MEI1: variants seen among roughly 807,000 people sequenced by gnomAD.
The protein encoded by MEI1 is meiosis inhibitor protein 1.
In MEI1, 103 loss-of-function variants were observed where a neutral mutation model predicts 146.2. The ratio of observed to expected loss-of-function variants is 0.70; its 90% CI spans 0.60 to 0.83. MEI1 has a LOEUF of 0.83. Ranked by LOEUF, MEI1 falls within the 40% of genes least tolerant of loss-of-function variation. The pLI, the probability that MEI1 is intolerant of heterozygous loss-of-function variation, is 0.00. For synonymous variants in MEI1, 652 were observed against 628.2 expected, an observed-to-expected ratio of 1.04 and a Z score of -0.57; for missense variants, 1,529 against 1,533.0, an observed-to-expected ratio of 1.00 and a Z score of 0.04.
chr22:41,703,110 G>A (rs534714935), intron 1 of MEI1, among the ~76,000 whole-genome samples: 2 of 152,296 alleles, frequency 1.3e-5, no homozygotes, highest in South Asian at 2.1e-4. Flanking sequence ...TAAATATAGG[G>A]CATTAGGAAC....
chr22:41,796,762 C>T (rs926330424), intron 30 of MEI1, among the ~76,000 whole-genome samples: 13 of 152,032 alleles, frequency 8.6e-5, no homozygotes, highest in African/African-American at 2.7e-4. Context: ...GTCTGGCCAA[C>T]ATGGTGAAAC....
At chr22:41,767,470 G>A (rs1298050252) in intron 19 of MEI1, 3 of 433,008 alleles carry the variant, frequency 6.9e-6, no homozygotes, top group Non-Finnish European at 1.4e-5. Flanking sequence ...TGTGTGTTAA[G>A]GTATGTGTCT....
intron 3 of MEI1, among the ~76,000 whole-genome samples, chr22:41,711,044 G>T (rs2069510439): frequency 1.3e-5 from 2 of 152,126 alleles, no homozygotes; most frequent in South Asian, 4.1e-4. Flanking sequence ...TGACTACCTG[G>T]TTACTGAGAA....
chr22:41,701,088 C>A (rs1334045783), intron 1 of MEI1, among the ~76,000 whole-genome samples: 1 of 151,856 alleles, frequency 6.6e-6, no homozygotes, highest in African/African-American at 2.4e-5. Context: ...TACATGCATG[C>A]GTCACTACGC....
rs1430171165 is a variant in MEI1 at position 41,718,061 on chromosome 22, T to C, written c.530-10T>C. 1 of 1,589,240 alleles carries C rather than the reference T, an allele frequency of 6.3e-7. No individual in the cohort carries two copies. The highest frequency in any genetic ancestry group is 1.1e-5 in the South Asian group (1 of 88,258). ...AATTTCCCTTGGCTCCTTGGTTGTT[T>C]TCTGGACAGGCAACCTGATGGAGCA... On this transcript the variant is annotated splice_polypyrimidine_tract_variant and intron_variant, in intron 5 of 30. Transcript: ENST00000401548.
intron 21 of MEI1, among the ~76,000 whole-genome samples, chr22:41,777,875 T>C (rs73163324): frequency 0.1 from 15,863 of 151,296 alleles, 1,019 homozygotes; most frequent in South Asian, 0.2. Context: ...CTTCCTTCGT[T>C]CCTTCCTTCC....
At chr22:41,742,946 G>A in intron 11 of MEI1, 134 bp from the exon 12 acceptor site, 1 of 614,656 alleles carries the variant, frequency 1.6e-6, no homozygotes, top group Non-Finnish European at 3.0e-6. Flanking sequence ...TTCCTGGCCT[G>A]GAGTAAGGAT....
chr22:41,756,440 T>C (rs2074098117), intron 17 of MEI1, among the ~76,000 whole-genome samples: 1 of 151,974 alleles, frequency 6.6e-6, no homozygotes, highest in Non-Finnish European at 1.5e-5. Context: ...CTGGCCTTTA[T>C]TCAAATTTTA....
chr22:41,703,314 T>G lies in MEI1; in HGVS notation c.175-17T>G. The G allele has an allele frequency of 6.2e-7, 1 of 1,610,144 alleles. No homozygotes were observed. The highest frequency in any genetic ancestry group is 8.5e-7 in the Non-Finnish European group (1 of 1,178,228). On this transcript the variant is annotated splice_polypyrimidine_tract_variant and intron_variant, in intron 1 of 30. Coordinates refer to ENST00000401548, the MANE Select transcript of MEI1 (RefSeq NM_152513.4). ...AAATTTGGTTGCTATTGAATGTTTT[T>G]CTTCATTTGCTTCAAGTTAGTGCGC...
At chr22:41,781,884 G>A in intron 24 of MEI1, 39 bp downstream of exon 24, 1 of 1,606,830 alleles carries the variant, frequency 6.2e-7, no homozygotes, top group Non-Finnish European at 8.5e-7. Context: ...GCATGGGGTG[G>A]CACTCAAAGG....
intron 17 of MEI1, among the ~76,000 whole-genome samples, chr22:41,756,597 C>A (rs1005460487): frequency 2.0e-5 from 3 of 151,968 alleles, no homozygotes; most frequent in Admixed American, 2.0e-4. Context: ...CGTCAGCTTC[C>A]TGAGTAGCTA....
chr22:41,719,173 G>A (rs182239329), intron 6 of MEI1, among the ~76,000 whole-genome samples: 29 of 151,980 alleles, frequency 1.9e-4, no homozygotes, highest in East Asian at 9.7e-4. Flanking sequence ...TAGGAGAGAC[G>A]GGGTTTCACC....
intron 22 of MEI1, among the ~76,000 whole-genome samples, chr22:41,780,982 C>T (rs1197764308): frequency 1.3e-5 from 2 of 152,154 alleles, no homozygotes; most frequent in Admixed American, 6.5e-5. Flanking sequence ...GCACTTCATT[C>T]GACTGTTAAA....
At chr22:41,759,004 A>G (rs1265989790) in intron 18 of MEI1, among the ~76,000 whole-genome samples, 1 of 151,980 alleles carries the variant, frequency 6.6e-6, no homozygotes. Context: ...TTAGCCGGGC[A>G]TGGTGTTGCA....
chr22:41,722,841 T>G (rs1372225726), intron 6 of MEI1, among the ~76,000 whole-genome samples: 2 of 152,232 alleles, frequency 1.3e-5, no homozygotes, highest in Non-Finnish European at 2.9e-5. Flanking sequence ...ATTTCTTTAC[T>G]TGTTTGTTAA....
At chr22:41,792,397 C>T (rs1188041630) in intron 26 of MEI1, among the ~76,000 whole-genome samples, 1 of 152,210 alleles carries the variant, frequency 6.6e-6, no homozygotes, top group African/African-American at 2.4e-5. Context: ...CAGCCTCTGA[C>T]TTGAAAATGT....
intron 17 of MEI1, among the ~76,000 whole-genome samples, chr22:41,755,149 A>G (rs1601946714): frequency 6.6e-6 from 1 of 152,288 alleles, no homozygotes; most frequent in Middle Eastern, 3.4e-3. Context: ...TTATAACAGT[A>G]TGTTATTTGC....
intron 26 of MEI1, among the ~76,000 whole-genome samples, chr22:41,792,918 T>TAA (rs139554): frequency 3.5e-5 from 5 of 144,360 alleles, no homozygotes; most frequent in East Asian, 4.1e-4. Flanking sequence ...CCTGTTGCTT[T>TAA]AAAAAAAAAA....
intron 17 of MEI1, among the ~76,000 whole-genome samples, chr22:41,755,677 G>A (rs2074044208): frequency 6.6e-6 from 1 of 152,178 alleles, no homozygotes; most frequent in African/African-American, 2.4e-5. Context: ...GCCAGGAAAT[G>A]CAGCACATCT....
Sources: allele counts gnomAD v4.1 joint callset (sites outside exome capture counted in the v4.1 genomes callset), GRCh38; gene constraint gnomAD v4.1.1; transcripts MANE v1.5; gene names NCBI Gene and HGNC (gene_info 2026-07-23, HGNC 2026-07-21).